Variants in CYP20A1 observed in about 807,000 individuals in gnomAD.
CYP20A1 encodes cytochrome P450 family 20 subfamily A member 1, also known as cytochrome P450 20A1.
Under a neutral mutation model 61.4 loss-of-function variants are expected in CYP20A1, and 61 were observed. The observed-to-expected ratio is 0.99, with a 90% CI of 0.81 to 1.23. The LOEUF (loss-of-function observed/expected upper bound fraction) is 1.23. CYP20A1 is among the 50% of genes most tolerant of loss of function. CYP20A1 has a pLI of 0.00. For missense variants in CYP20A1, 530 were observed against 542.4 expected (o/e 0.98, Z 0.23); for synonymous variants, 193 against 188.2 (o/e 1.03, Z -0.21).
intron 3 of CYP20A1, among the ~76,000 whole-genome samples, chr2:203,248,407 G>A (rs1194470159): frequency 6.6e-6 from 1 of 152,024 alleles, no homozygotes; most frequent in Non-Finnish European, 1.5e-5. Context: ...GGTGATGTGC[G>A]CCTGTAATCC....
At chr2:203,250,320 A>G (rs1444621552) in intron 3 of CYP20A1, among the ~76,000 whole-genome samples, 3 of 152,244 alleles carry the variant, frequency 2.0e-5, no homozygotes, top group Admixed American at 6.5e-5. Flanking sequence ...CTTTACAAAT[A>G]TTAACTCATT....
chr2:203,298,699 C>CAAAAA lies in CYP20A1; in HGVS notation c.*1803_*1807dup, dbSNP rs755976703. Among the ~76,000 whole-genome samples, 1 of 88,482 alleles carries CAAAAA rather than the reference C, an allele frequency of 1.1e-5. No homozygotes were observed. The highest frequency in any genetic ancestry group is 2.3e-5 in the Non-Finnish European group (1 of 42,866). 58.0% of individuals were successfully genotyped at this position (88,482 alleles called of 152,430 possible). The stretch of plus-strand genomic sequence containing the variant: ...CTGGGTGTCGAGTGAAACTCATTCT[C>CAAAAA]AAAAAAAAAAAAAAAAGGAGGTGGG... On this transcript the variant is annotated 3_prime_UTR_variant, in exon 13 of 13. Transcript: ENST00000356079.
chr2:203,295,547 A>T (rs964184255), intron 11 of CYP20A1, among the ~76,000 whole-genome samples: 1 of 152,244 alleles, frequency 6.6e-6, no homozygotes, highest in African/African-American at 2.4e-5. Flanking sequence ...AATTCATTAT[A>T]TGATTTTCTA....
chr2:203,282,304 C>T (rs754400137), intron 8 of CYP20A1, among the ~76,000 whole-genome samples: 6 of 151,944 alleles, frequency 3.9e-5, no homozygotes, highest in Admixed American at 6.6e-5. Context: ...GGATTACAGT[C>T]GTGAGCCACC....
At chr2:203,291,749 A>G (rs1380025705) in intron 10 of CYP20A1, among the ~76,000 whole-genome samples, 1 of 151,812 alleles carries the variant, frequency 6.6e-6, no homozygotes, top group Admixed American at 6.6e-5. Context: ...ACATATGTAT[A>G]CATGTGCCAT....
intron 9 of CYP20A1, among the ~76,000 whole-genome samples, chr2:203,287,661 T>G (rs1209695975): frequency 6.6e-6 from 1 of 152,008 alleles, no homozygotes; most frequent in Admixed American, 6.6e-5. Context: ...TGATAGAGTG[T>G]CACTGCACTC....
At chr2:203,263,578 G>T (rs181109875) in intron 4 of CYP20A1, among the ~76,000 whole-genome samples, 1 of 152,124 alleles carries the variant, frequency 6.6e-6, no homozygotes, top group Admixed American at 6.6e-5. Flanking sequence ...GTGAGCCACC[G>T]CTCCCGGCCC....
At position 203,272,742 on chromosome 2, in the gene CYP20A1, G is replaced by A. The variant is rs2067656471; in HGVS notation, c.673G>A (p.Glu225Lys). 1 of 1,593,282 alleles carries A rather than the reference G, an allele frequency of 6.3e-7. No homozygotes were observed. The highest frequency in any genetic ancestry group is 1.4e-5 in the African/African-American group (1 of 73,740). ...AAACATGACTCGGAAAAAACAATATGAAGATGGTAAGTTTGGTCACTTAAT... is the reference window on the plus strand; with the variant it reads ...AAACATGACTCGGAAAAAACAATATAAAGATGGTAAGTTTGGTCACTTAAT... ...DKNMTRKKQYEDALMQLESVL... is the reference protein window; with the variant it reads ...DKNMTRKKQYKDALMQLESVL... Residue 225 changes from glutamate (E) to lysine (K), a missense_variant, in exon 6 of 13, where the codon GAA becomes AAA. Transcript: ENST00000356079.
At chr2:203,259,732 A>C (rs2067058712) in intron 4 of CYP20A1, 1 of 151,100 alleles carries the variant, frequency 6.6e-6, no homozygotes, top group Non-Finnish European at 1.5e-5. Context: ...AAAATACAAA[A>C]ATTAGCCAGG....
intron 1 of CYP20A1, among the ~76,000 whole-genome samples, 166 bp downstream of exon 1, chr2:203,239,300 C>T (rs1455280778): frequency 6.6e-6 from 1 of 152,092 alleles, no homozygotes; most frequent in Non-Finnish European, 1.5e-5. Context: ...AGTCACGTGA[C>T]GCCCCTCCCG....
intron 11 of CYP20A1, among the ~76,000 whole-genome samples, chr2:203,293,623 G>A (rs1175333568): frequency 6.7e-6 from 1 of 149,992 alleles, no homozygotes; most frequent in Non-Finnish European, 1.5e-5. Flanking sequence ...TATTTCTTTG[G>A]TGGTGATTTC....
In CYP20A1 at chr2:203,285,733, G is replaced by T. The variant is rs1484356060; in HGVS notation, c.971+1G>T. 1 of 1,571,710 alleles carries T rather than the reference G, an allele frequency of 6.4e-7. No individual in the cohort carries two copies. Among genetic ancestry groups the T allele is most frequent in the Non-Finnish European group, 8.6e-7 (1 of 1,169,004 alleles). On this transcript the variant is annotated splice_donor_variant, in intron 9 of 12. Coordinates refer to ENST00000356079, the MANE Select transcript of CYP20A1 (RefSeq NM_177538.3). LOFTEE classifies it high-confidence loss of function. ...CTCCAGAGAAAATTGAGCAGCTCAG[G>T]TAAGAACACAATAAAAAGAGGAGAT...
At chr2:203,260,334 T>G (rs1371564873) in intron 4 of CYP20A1, among the ~76,000 whole-genome samples, 1 of 151,944 alleles carries the variant, frequency 6.6e-6, no homozygotes, top group Non-Finnish European at 1.5e-5. Context: ...GCAGTTCTTG[T>G]GCCTCAGCCT....
chr2:203,253,176 G>A (rs1006108517), intron 4 of CYP20A1, among the ~76,000 whole-genome samples: 1 of 152,126 alleles, frequency 6.6e-6, no homozygotes, highest in Non-Finnish European at 1.5e-5. Context: ...CTCCCCTTCT[G>A]TCCCCACGGG....
intron 6 of CYP20A1, among the ~76,000 whole-genome samples, chr2:203,276,485 C>T (rs1489208422): frequency 6.6e-6 from 1 of 151,540 alleles, no homozygotes. Flanking sequence ...TGGCTTGGAC[C>T]AAGTGGCAGG....
intron 9 of CYP20A1, 93 bp downstream of exon 9, chr2:203,285,825 A>G (rs1412563811): frequency 5.2e-6 from 6 of 1,164,660 alleles, no homozygotes; most frequent in Non-Finnish European, 6.9e-6. Context: ...GGAAAGCTAC[A>G]TATTTTTATA....
chr2:203,288,609 A>G (rs191141998), intron 9 of CYP20A1, among the ~76,000 whole-genome samples: 3 of 152,264 alleles, frequency 2.0e-5, no homozygotes, highest in Non-Finnish European at 4.4e-5. Flanking sequence ...TACGCAATAA[A>G]TATTTATACA....
Position 203,292,250 on chromosome 2 carries a change from T to C in CYP20A1, c.1084-12T>C. ...GTTAGTCCTTGACTAATTGGATTTT[T>C]TTTTTTCACAGACCCTCGTCCTTTA... On this transcript the variant is annotated splice_polypyrimidine_tract_variant and intron_variant, in intron 10 of 12. Transcript: ENST00000356079. The C allele has an allele frequency of 6.2e-7, 1 of 1,605,936 alleles. No homozygotes were observed. The highest frequency in any genetic ancestry group is 8.5e-7 in the Non-Finnish European group (1 of 1,175,588).
At chr2:203,258,971 C>T (rs1052519024) in intron 4 of CYP20A1, among the ~76,000 whole-genome samples, 1 of 152,184 alleles carries the variant, frequency 6.6e-6, no homozygotes, top group African/African-American at 2.4e-5. Flanking sequence ...GCCTTGCTTT[C>T]AATCATGATA....
Sources: gnomAD v4.1 joint callset for allele counts (sites outside exome capture counted in the v4.1 genomes callset) on GRCh38, gnomAD v4.1.1 for gene constraint, MANE v1.5 for transcripts, NCBI Gene and HGNC (gene_info 2026-07-23, HGNC 2026-07-21) for gene names.